ZC3H12B: variants seen among roughly 807,000 people sequenced by gnomAD.
ZC3H12B encodes the protein zinc finger CCCH-type containing 12B.
ZC3H12B carries 7 observed loss-of-function variants against 43.9 expected under a neutral mutation model. That is an observed-to-expected ratio of 0.16 (90% CI 0.09 to 0.30). The LOEUF is 0.30. Among genes scored for constraint, ZC3H12B ranks in the 10% least tolerant of loss-of-function variants. The pLI, the probability that ZC3H12B is intolerant of heterozygous loss-of-function variation, is 1.00. For synonymous variants in ZC3H12B, 222 were observed against 241.7 expected, an observed-to-expected ratio of 0.92 and a Z score of 0.76; for missense variants, 475 against 670.2, an observed-to-expected ratio of 0.71 and a Z score of 3.22.
chrX:65,359,409 T>A, the ZC3H12B span, among the ~76,000 whole-genome samples: 1 of 112,064 alleles, frequency 8.9e-6, no homozygotes, highest in East Asian at 2.8e-4. Flanking sequence ...ATTAAAAACC[T>A]TCTGGAAGTG....
At chrX:65,167,770 G>A in the ZC3H12B span, among the ~76,000 whole-genome samples, 1 of 111,574 alleles carries the variant, frequency 9.0e-6, no homozygotes, top group Non-Finnish European at 1.9e-5. Flanking sequence ...TTGTAAGTTA[G>A]ATTCCTAGGT....
At chrX:65,070,775 G>A in the ZC3H12B span, among the ~76,000 whole-genome samples, 1 of 91,077 alleles carries the variant, frequency 1.1e-5, no homozygotes, top group Admixed American at 1.2e-4. Flanking sequence ...ACTTCTATTT[G>A]TATTGCATTG....
chrX:65,336,654 G>A, the ZC3H12B span, among the ~76,000 whole-genome samples: 5 of 112,098 alleles, frequency 4.5e-5, no homozygotes, highest in Non-Finnish European at 9.4e-5. Context: ...AAAAGAGAAA[G>A]GAGAGGAAGG....
intron 3 of ZC3H12B, among the ~76,000 whole-genome samples, chrX:65,459,400 AC>A (rs1432691701): frequency 3.6e-5 from 4 of 111,683 alleles, no homozygotes; most frequent in Middle Eastern, 4.6e-3. Context: ...CAGAGACACA[AC>A]AAAAAAACGG....
chrX:65,129,247 G>A, the ZC3H12B span, among the ~76,000 whole-genome samples: 11,135 of 104,640 alleles, frequency 0.11, 1,519 homozygotes, highest in African/African-American at 0.37. Flanking sequence ...ATATGTATGT[G>A]TGTATATATG....
At chrX:65,493,399 A>T (rs973006636) in intron 1 of ZC3H12B, among the ~76,000 whole-genome samples, 7 of 111,261 alleles carry the variant, frequency 6.3e-5, no homozygotes, top group African/African-American at 2.3e-4. Context: ...AGAAAAAAAA[A>T]ATTTATGATG....
the ZC3H12B span, among the ~76,000 whole-genome samples, chrX:65,036,712 T>G: frequency 9.0e-6 from 1 of 111,004 alleles, no homozygotes; most frequent in Non-Finnish European, 1.9e-5. Context: ...GGTAATTTTT[T>G]TTTTGTTTTG....
chrX:65,374,099 C>A (rs2066308434), intron 2 of ZC3H12B, among the ~76,000 whole-genome samples: 1 of 56,281 alleles, frequency 1.8e-5, no homozygotes, highest in Non-Finnish European at 2.7e-5. Flanking sequence ...ATATATATAA[C>A]TATATATAGG....
the ZC3H12B span, among the ~76,000 whole-genome samples, chrX:65,112,016 G>A: frequency 1.8e-5 from 2 of 112,237 alleles, no homozygotes. Context: ...AAAACAGGTT[G>A]CTTGCACCAA....
At chrX:65,205,709 G>C in the ZC3H12B span, among the ~76,000 whole-genome samples, 1 of 111,096 alleles carries the variant, frequency 9.0e-6, no homozygotes, top group Non-Finnish European at 1.9e-5. Flanking sequence ...CATCCAAGTT[G>C]GTAAGGAGGA....
At chrX:65,134,675 C>T in the ZC3H12B span, among the ~76,000 whole-genome samples, 7,249 of 111,021 alleles carry the variant, frequency 0.065, 279 homozygotes, top group Non-Finnish European at 0.1. Flanking sequence ...GACCGGTCTC[C>T]TGAAGGAGTC....
At chrX:65,039,085 T>G in the ZC3H12B span, among the ~76,000 whole-genome samples, 1 of 111,848 alleles carries the variant, frequency 8.9e-6, no homozygotes, top group Non-Finnish European at 1.9e-5. Context: ...TACCATTCCT[T>G]CTTAAAGTGT....
At chrX:65,145,962 G>T in the ZC3H12B span, among the ~76,000 whole-genome samples, 1 of 111,293 alleles carries the variant, frequency 9.0e-6, no homozygotes, top group Non-Finnish European at 1.9e-5. Flanking sequence ...CAATGCCTAG[G>T]TGATTATCTT....
the ZC3H12B span, among the ~76,000 whole-genome samples, chrX:65,182,229 A>G: frequency 9.0e-6 from 1 of 110,888 alleles, no homozygotes; most frequent in African/African-American, 3.3e-5. Flanking sequence ...AGGGAGGGAA[A>G]CATCACACAC....
the ZC3H12B span, among the ~76,000 whole-genome samples, chrX:65,220,944 A>T: frequency 8.9e-6 from 1 of 111,937 alleles, no homozygotes; most frequent in Non-Finnish European, 1.9e-5. Flanking sequence ...AGACCATATG[A>T]TAGGCCACAA....
chrX:65,156,257 G>A, the ZC3H12B span, among the ~76,000 whole-genome samples: 1 of 111,118 alleles, frequency 9.0e-6, no homozygotes, highest in South Asian at 3.8e-4. Flanking sequence ...CTGAAGTGCA[G>A]TAGTGAGATC....
chrX:65,236,467 A>G, the ZC3H12B span, among the ~76,000 whole-genome samples: 3 of 111,832 alleles, frequency 2.7e-5, no homozygotes, highest in African/African-American at 9.7e-5. Context: ...AGATGGACAG[A>G]TAGCAAAAAT....
At chrX:65,115,949 T>G in the ZC3H12B span, among the ~76,000 whole-genome samples, 1 of 111,265 alleles carries the variant, frequency 9.0e-6, no homozygotes, top group African/African-American at 3.3e-5. Context: ...TTGATATTAG[T>G]CCTTTGTCAG....
At chrX:65,438,361 C>A (rs1449538629) in intron 3 of ZC3H12B, among the ~76,000 whole-genome samples, 3 of 111,935 alleles carry the variant, frequency 2.7e-5, no homozygotes, top group Admixed American at 1.9e-4. Context: ...TATGGAATAT[C>A]TTTCCTTTTT....
Sources: allele counts gnomAD v4.1 joint callset (sites outside exome capture counted in the v4.1 genomes callset), GRCh38; gene constraint gnomAD v4.1.1; transcripts MANE v1.5; gene names NCBI Gene and HGNC (gene_info 2026-07-23, HGNC 2026-07-21).